Variants in ADGRD1 observed in about 807,000 individuals in gnomAD.
The protein encoded by ADGRD1 is adhesion G protein-coupled receptor D1, also known as G-protein coupled receptor 133.
In ADGRD1, 77 loss-of-function variants were observed where a neutral mutation model predicts 113.4. The observed-to-expected ratio is 0.68, with a 90% confidence interval of 0.57 to 0.82. The LOEUF (loss-of-function observed/expected upper bound fraction) is 0.82, where lower values mean the gene tolerates loss of function less well. Among genes scored for constraint, ADGRD1 ranks in the 40% least tolerant of loss-of-function variants. The probability of loss-of-function intolerance (pLI) is 0.00; values close to 1 mark genes in which losing one functional copy is unlikely to be tolerated. For synonymous variants in ADGRD1, 474 were observed against 475.0 expected (o/e 1.00, Z 0.03); for missense variants, 1,036 against 1,139.1 (o/e 0.91, Z 1.30).
At chr12:131,081,602 G>A (rs1293217417) in intron 14 of ADGRD1, among the ~76,000 whole-genome samples, 3 of 152,090 alleles carry the variant, frequency 2.0e-5, no homozygotes, top group African/African-American at 7.3e-5. Flanking sequence ...GTGTGCTGTT[G>A]TTGTAGTACA....
In ADGRD1 at chr12:130,954,282, G is replaced by A. The variant is rs11061260; in HGVS notation, c.-184G>A. 11,934 of 497,708 alleles carry A rather than the reference G, an allele frequency of 0.024. 935 individuals are homozygous for A. Among genetic ancestry groups the A allele is most frequent in the East Asian group, 0.22 (6,789 of 30,380 alleles). The allele number at this position is 497,708 out of a possible 1,614,324, so 30.8% of individuals were successfully genotyped here. On this transcript the variant is annotated 5_prime_UTR_variant, in exon 1 of 25. Coordinates refer to ENST00000261654, the MANE Select transcript of ADGRD1 (RefSeq NM_198827.5). This position sits in a 1 kb window ranked among gnomAD's most constrained non-coding sequence, Gnocchi z 4.7. ...ACTGAAGAATCTCAAGTTTTGAGAC[G>A]AGGAAGAAACACCCATTAGGTCTCC...
intron 15 of ADGRD1, among the ~76,000 whole-genome samples, chr12:131,101,398 T>TC (rs1950082483): frequency 7.6e-6 from 1 of 131,184 alleles, no homozygotes; most frequent in African/African-American, 2.9e-5. Context: ...TTTTTTTTTT[T>TC]TTTTTTGAGA....
intron 13 of ADGRD1, among the ~76,000 whole-genome samples, chr12:131,068,287 A>G (rs1884881740): frequency 6.6e-6 from 1 of 152,142 alleles, no homozygotes; most frequent in African/African-American, 2.4e-5. Flanking sequence ...CTTGTGTCTC[A>G]TGGGTGGCGC....
chr12:131,066,174 G>A (rs1242436021), intron 13 of ADGRD1, among the ~76,000 whole-genome samples: 1 of 152,202 alleles, frequency 6.6e-6, no homozygotes, highest in East Asian at 1.9e-4. Flanking sequence ...AGTCATAGGA[G>A]CCACAATAGG....
At chr12:130,963,197 G>C (rs1270660293) in intron 2 of ADGRD1, among the ~76,000 whole-genome samples, 1 of 151,860 alleles carries the variant, frequency 6.6e-6, no homozygotes, top group East Asian at 1.9e-4. Context: ...GCGGGCGCCT[G>C]TAGTCCCAGC....
At chr12:131,065,093 A>G (rs1046320043) in intron 13 of ADGRD1, among the ~76,000 whole-genome samples, 3 of 152,074 alleles carry the variant, frequency 2.0e-5, no homozygotes, top group African/African-American at 4.8e-5. Context: ...TTTCGAATAA[A>G]TCTTTCCTTG....
intron 9 of ADGRD1, chr12:131,002,511 A>G: frequency 2.0e-6 from 2 of 990,936 alleles, no homozygotes; most frequent in Non-Finnish European, 2.4e-6. Flanking sequence ...AAAGGCAGGA[A>G]GAGAAGCAGT....
At chr12:130,998,922 C>T (rs1053947214) in intron 8 of ADGRD1, among the ~76,000 whole-genome samples, 3 of 152,172 alleles carry the variant, frequency 2.0e-5, no homozygotes, top group Admixed American at 1.3e-4. Context: ...GTAAGATGCA[C>T]ACTGGATTTC....
chr12:131,072,239 C>A (rs1197663908), intron 13 of ADGRD1, among the ~76,000 whole-genome samples: 1 of 152,052 alleles, frequency 6.6e-6, no homozygotes, highest in Non-Finnish European at 1.5e-5. Context: ...GACTTGGGGA[C>A]CTTGGAGGGA....
At chr12:131,006,482 A>C (rs1877129659) in intron 12 of ADGRD1, among the ~76,000 whole-genome samples, 1 of 152,250 alleles carries the variant, frequency 6.6e-6, no homozygotes, top group African/African-American at 2.4e-5. Flanking sequence ...AGGGAGGAGC[A>C]GGTGGGCCTC....
At position 131,105,836 on chromosome 12, in the gene ADGRD1, C is replaced by T; in HGVS notation, c.1858C>T (p.Leu620Phe). Residue 620 changes from leucine to phenylalanine, a missense_variant, in exon 17 of 25, where the codon CTC becomes TTC. Transcript: ENST00000261654. ...FAVLVAQVLL[L>F]ISFRLEPGTT... ...CGTGCTGGTGGCCCAGGTCCTGCTGCTCATTAGTTTCCGCCTCGAGCCGGG... is the reference window on the plus strand; with the variant it reads ...CGTGCTGGTGGCCCAGGTCCTGCTGTTCATTAGTTTCCGCCTCGAGCCGGG... 1.2e-6 allele frequency: 2 copies of T among 1,600,326 alleles called. No individual in the cohort carries two copies. The highest frequency in any genetic ancestry group is 1.7e-6 in the Non-Finnish European group (2 of 1,179,812).
intron 15 of ADGRD1, among the ~76,000 whole-genome samples, chr12:131,087,045 A>C (rs1886515053): frequency 6.6e-6 from 1 of 152,114 alleles, no homozygotes; most frequent in Non-Finnish European, 1.5e-5. Context: ...AGCTGGGACT[A>C]CAGGCACATG....
At position 131,123,626 on chromosome 12, in the gene ADGRD1, C is replaced by A. The variant is rs571289424; in HGVS notation, c.2175+2713C>A. 4.1e-3 allele frequency among the ~76,000 whole-genome samples: 619 copies of A among 151,908 alleles called. 2 individuals are homozygous for A. Among genetic ancestry groups the A allele is most frequent in the Non-Finnish European group, 6.6e-3 (448 of 67,952 alleles). ...CATGAGGTCAGGAGATCGAGACCAT[C>A]CTGGCTAACACAGTGAAACCCCGCC... On this transcript the variant is annotated intron_variant, in intron 20 of 24. Transcript: ENST00000261654.
Position 131,041,223 on chromosome 12 carries a change from C to A in ADGRD1, c.1473+26883C>A, listed in dbSNP as rs2136984809. Among the ~76,000 whole-genome samples the A allele has an allele frequency of 6.6e-6, 1 of 152,262 alleles. No individual in the cohort carries two copies. The highest frequency in any genetic ancestry group is 6.5e-5 in the Admixed American group (1 of 15,296). Reference sequence around the variant, plus strand: ...GGCGCAGAGAATGTGGGGAGGCACCCAGAAGGATCCTCCAGGGCCTGGTTC... The same window carrying A: ...GGCGCAGAGAATGTGGGGAGGCACCAAGAAGGATCCTCCAGGGCCTGGTTC... On this transcript the variant is annotated intron_variant, in intron 13 of 24. Coordinates refer to ENST00000261654, the MANE Select transcript of ADGRD1 (RefSeq NM_198827.5). This position sits in a 1 kb window ranked among gnomAD's most constrained non-coding sequence, Gnocchi z 4.4.
intron 13 of ADGRD1, among the ~76,000 whole-genome samples, chr12:131,019,457 G>C (rs1285466342): frequency 6.6e-6 from 1 of 152,200 alleles, no homozygotes; most frequent in Non-Finnish European, 1.5e-5. Context: ...TGCTCACTGC[G>C]TTCAACCAAA....
chr12:131,090,634 C>A (rs1254831744), intron 15 of ADGRD1, among the ~76,000 whole-genome samples: 1 of 152,164 alleles, frequency 6.6e-6, no homozygotes, highest in Non-Finnish European at 1.5e-5. Context: ...GGGAGGGAGA[C>A]CCCAAAACGA....
At position 131,138,354 on chromosome 12, in the gene ADGRD1, C is replaced by G. The variant is rs577018407; in HGVS notation, c.2529+125C>G. 3 of 732,270 alleles carry G rather than the reference C, an allele frequency of 4.1e-6. No homozygotes were observed. In the Admixed American group the frequency reaches 6.3e-5, roughly 15 times the overall value. The allele number at this position is 732,270 out of a possible 1,614,324, so 45.4% of individuals were successfully genotyped here. ...GGTGCCCAGCAGTCTTTGTCCCCCT[C>G]TCATGCCTGCAGGCTGCACGTGCTC... On this transcript the variant is annotated intron_variant, in intron 24 of 24. Transcript: ENST00000261654.
chr12:131,124,664 T>C (rs1364765618), intron 20 of ADGRD1, among the ~76,000 whole-genome samples: 1 of 105,464 alleles, frequency 9.5e-6, no homozygotes, highest in Non-Finnish European at 2.5e-5. Context: ...ACACACACAC[T>C]GCCCACCGCC....
At chr12:131,127,650 T>G (rs1299461094) in intron 20 of ADGRD1, among the ~76,000 whole-genome samples, 1 of 144,022 alleles carries the variant, frequency 6.9e-6, no homozygotes, top group African/African-American at 2.6e-5. Context: ...GTTGGTTGGG[T>G]TGGTTGTTAT....
Sources: gnomAD v4.1 joint callset for allele counts (sites outside exome capture counted in the v4.1 genomes callset) on GRCh38, gnomAD v4.1.1 for gene constraint, Gnocchi (gnomAD v3.1) non-coding constraint, MANE v1.5 for transcripts, NCBI Gene and HGNC (gene_info 2026-07-23, HGNC 2026-07-21) for gene names.